LAMA2: variants seen among roughly 807,000 people sequenced by gnomAD.
LAMA2 encodes laminin subunit alpha 2.
In LAMA2, 269 loss-of-function variants were observed where a neutral mutation model predicts 364.8. That is an observed-to-expected ratio of 0.74 (90% CI 0.67 to 0.82). LAMA2 has a LOEUF of 0.82. Ranked by LOEUF, LAMA2 falls within the 40% of genes least tolerant of loss-of-function variation. LAMA2 has a pLI of 0.00. For synonymous variants in LAMA2, 1,379 were observed against 1,370.6 expected, an observed-to-expected ratio of 1.01 and a Z score of -0.14; for missense variants, 3,807 against 3,873.2, an observed-to-expected ratio of 0.98 and a Z score of 0.45.
chr6:129,061,911 C>G (rs1019737143), intron 3 of LAMA2, among the ~76,000 whole-genome samples: 2 of 152,202 alleles, frequency 1.3e-5, no homozygotes, highest in African/African-American at 4.8e-5. Flanking sequence ...TCCTGAAAAT[C>G]AACCTACTGT....
At chr6:129,187,141 G>A (rs1292700255) in intron 10 of LAMA2, among the ~76,000 whole-genome samples, 3 of 151,764 alleles carry the variant, frequency 2.0e-5, no homozygotes, top group African/African-American at 4.8e-5. Context: ...CATGTCAAGA[G>A]GATCTTCCAA....
At chr6:129,076,486 ATATATTATATAT>A in intron 3 of LAMA2, among the ~76,000 whole-genome samples, 1 of 12,094 alleles carries the variant, frequency 8.3e-5, no homozygotes, top group East Asian at 4.0e-3. Context: ...AATATATCTT[ATATATTATATAT>A]AAATATATAT....
chr6:129,219,616 G>T (rs907548222), intron 12 of LAMA2, among the ~76,000 whole-genome samples: 8 of 146,514 alleles, frequency 5.5e-5, no homozygotes, highest in African/African-American at 1.5e-4. Context: ...AGAAAATGTG[G>T]CACATATACA....
intron 32 of LAMA2, among the ~76,000 whole-genome samples, chr6:129,353,721 G>T (rs945861091): frequency 6.6e-6 from 1 of 152,124 alleles, no homozygotes; most frequent in African/African-American, 2.4e-5. Context: ...AAAAAATTTA[G>T]AATCCTCCTG....
chr6:129,284,877 A>G (rs927128575), intron 18 of LAMA2, among the ~76,000 whole-genome samples: 1 of 152,142 alleles, frequency 6.6e-6, no homozygotes, highest in African/African-American at 2.4e-5. Context: ...CCCTTTTTCA[A>G]AATATTGCAA....
chr6:129,226,704 G>C (rs1330685319), intron 12 of LAMA2, among the ~76,000 whole-genome samples: 3 of 152,126 alleles, frequency 2.0e-5, no homozygotes, highest in African/African-American at 7.2e-5. Context: ...GCGATCTGCT[G>C]TTAGTCTGAT....
chr6:129,247,985 C>G (rs915195130), intron 12 of LAMA2, among the ~76,000 whole-genome samples: 2 of 152,092 alleles, frequency 1.3e-5, no homozygotes, highest in African/African-American at 4.8e-5. Context: ...TCAGGGATCC[C>G]CAACTCCCGG....
intron 36 of LAMA2, among the ~76,000 whole-genome samples, 158 bp from the exon 37 acceptor site, chr6:129,392,887 T>C (rs1779395143): frequency 6.6e-6 from 1 of 152,216 alleles, no homozygotes; most frequent in African/African-American, 2.4e-5. Context: ...GGTACCAGTT[T>C]TCAACTTGAT....
chr6:129,376,002 C>T (rs1778354961), intron 34 of LAMA2, among the ~76,000 whole-genome samples: 1 of 152,158 alleles, frequency 6.6e-6, no homozygotes. Context: ...CTTTGTAAGC[C>T]TTATCCAACT....
chr6:129,192,750 A>G lies in LAMA2; in HGVS notation c.1679A>G (p.Asp560Gly), dbSNP rs61620549. Residue 560 changes from aspartate to glycine, a missense_variant, in exon 12 of 65, where the codon GAC (aspartate) becomes GGC (glycine). Physicochemically the swap from Asp to Gly is moderately conservative, Grantham distance 94 (BLOSUM62 -1). Transcript: ENST00000421865. ...GRIRVAPQQD[D>G]LDSPQQISIS... is the part of the protein sequence containing the mutation. ...ATTCGAGTGGCTCCCCAGCAGGACG[A>G]CTTGGACTCACCTCAGCAGATCAGC... is the stretch of plus-strand genomic sequence containing the variant. The G allele has an allele frequency of 1.2e-5, 20 of 1,614,172 alleles. No individual in the cohort carries two copies. Among genetic ancestry groups the G allele is most frequent in the African/African-American group, 2.7e-5 (2 of 75,052 alleles).
At chr6:129,190,928 C>G (rs1290405995) in intron 11 of LAMA2, among the ~76,000 whole-genome samples, 1 of 152,166 alleles carries the variant, frequency 6.6e-6, no homozygotes, top group Non-Finnish European at 1.5e-5. Flanking sequence ...TTTCTAACTT[C>G]ACTGCCTACA....
At chr6:128,976,631 TG>T (rs2114628822) in intron 1 of LAMA2, among the ~76,000 whole-genome samples, 1 of 152,274 alleles carries the variant, frequency 6.6e-6, no homozygotes, top group African/African-American at 2.4e-5. Flanking sequence ...TATTTCAGAT[TG>T]TTTTGAAAGT....
chr6:129,266,641 G>A (rs561605827), intron 15 of LAMA2, among the ~76,000 whole-genome samples: 4 of 152,192 alleles, frequency 2.6e-5, no homozygotes, highest in South Asian at 2.1e-4. Context: ...AAATGATGAC[G>A]TTAAGGGCAA....
At chr6:129,365,132 G>A (rs1200809000) in intron 32 of LAMA2, among the ~76,000 whole-genome samples, 2 of 152,176 alleles carry the variant, frequency 1.3e-5, no homozygotes, top group Non-Finnish European at 2.9e-5. Context: ...ATATCTGGTA[G>A]AATATTAGCA....
Position 129,492,335 on chromosome 6 carries a change from C to T in LAMA2, c.8096C>T (p.Pro2699Leu). 6.2e-7 allele frequency: 1 copy of T among 1,614,110 alleles called. No individual in the cohort carries two copies. The highest frequency in any genetic ancestry group is 8.5e-7 in the Non-Finnish European group (1 of 1,179,968). ...INSVPMDFAR[P>L]VSFKNADIGR... ...ATTAGCCCCATGGACTTTGCAAGGC[C>T]TGTGTCCTTCAAAAATGCTGACATT... is the stretch of plus-strand genomic sequence containing the variant. Residue 2699 changes from proline to leucine, a missense_variant, in exon 58 of 65, where the codon CCT becomes CTT. By Grantham distance (98) the Pro-to-Leu change is moderately conservative. Transcript: ENST00000421865.
chr6:128,988,622 A>G (rs753620293), intron 1 of LAMA2, among the ~76,000 whole-genome samples: 2 of 152,158 alleles, frequency 1.3e-5, no homozygotes, highest in Non-Finnish European at 2.9e-5. Context: ...GGATTTTCAC[A>G]ATTCTTAGCT....
At chr6:129,104,929 G>A (rs1416441655) in intron 4 of LAMA2, among the ~76,000 whole-genome samples, 1 of 152,140 alleles carries the variant, frequency 6.6e-6, no homozygotes, top group Non-Finnish European at 1.5e-5. Context: ...TAATCGTAAG[G>A]TATCAAGTCT....
At chr6:128,968,959 A>G (rs1782020070) in intron 1 of LAMA2, among the ~76,000 whole-genome samples, 1 of 152,206 alleles carries the variant, frequency 6.6e-6, no homozygotes, top group Non-Finnish European at 1.5e-5. Context: ...GAAACAGATC[A>G]TAAGGAGACA....
chr6:129,358,262 T>C (rs1438328658), intron 32 of LAMA2, among the ~76,000 whole-genome samples: 1 of 152,010 alleles, frequency 6.6e-6, no homozygotes, highest in Non-Finnish European at 1.5e-5. Context: ...TAGATGATTT[T>C]CCTAGTTGTT....
Sources: allele counts gnomAD v4.1 joint callset (sites outside exome capture counted in the v4.1 genomes callset), GRCh38; gene constraint gnomAD v4.1.1; transcripts MANE v1.5; gene names NCBI Gene and HGNC (gene_info 2026-07-23, HGNC 2026-07-21).